The following SEMA3B variants were observed in gnomAD, a reference collection of about 807,000 sequenced individuals.
SEMA3B encodes the protein semaphorin 3B.
SEMA3B carries 71 observed loss-of-function variants against 77.8 expected under a neutral mutation model. The ratio of observed to expected loss-of-function variants is 0.91; its 90% CI spans 0.75 to 1.11. SEMA3B has a LOEUF of 1.11. Ranked by LOEUF, SEMA3B falls within the 50% of genes most tolerant of loss-of-function variation. The pLI is 0.00. For synonymous variants in SEMA3B, 470 were observed against 452.9 expected (o/e 1.04, Z -0.48); for missense variants, 968 against 1,056.8 (o/e 0.92, Z 1.17).
At position 50,272,879 on chromosome 3, in the gene SEMA3B, T is replaced by TAATAATAATAAA. The variant is rs797032591; in HGVS notation, c.665-417_665-416insTAATAATAAAAA. Among the ~76,000 whole-genome samples, 34 of 150,068 alleles carry TAATAATAATAAA rather than the reference T, an allele frequency of 2.3e-4. No individual in the cohort carries two copies. In the East Asian group the frequency reaches 2.6e-3, roughly 11 times the overall value. On this transcript the variant is annotated intron_variant, in intron 6 of 16. Transcript: ENST00000616701. ...CAAATAATAATAATAATAATAATAA[T>TAATAATAATAAA]AAAGAGCAATGGGACCCAGCAGAAG... is the stretch of plus-strand genomic sequence containing the variant.
intron 6 of SEMA3B, among the ~76,000 whole-genome samples, chr3:50,271,950 CCTGGA>C (rs2109240287): frequency 6.6e-6 from 1 of 152,248 alleles, no homozygotes; most frequent in Non-Finnish European, 1.5e-5. Context: ...GAAAAGGGGG[CCTGGA>C]CTGTCAGGGG....
intron 6 of SEMA3B, 23 bp downstream of exon 6, chr3:50,271,503 G>C: frequency 6.4e-7 from 1 of 1,553,698 alleles, no homozygotes. Context: ...TGGGGTTGGT[G>C]GGTAGAGGTC....
upstream of SEMA3B, among the ~76,000 whole-genome samples, chr3:50,268,001 G>C (rs1700944942): frequency 6.6e-6 from 1 of 152,182 alleles, no homozygotes; most frequent in Non-Finnish European, 1.5e-5. Context: ...CCCAGCTGAG[G>C]GCCAGGGGGA....
Position 50,277,313 on chromosome 3 carries a change from G to A in SEMA3B, c.*607G>A, listed in dbSNP as rs1701290740. ...CACGCCTGTAATCCCAACACTTTCGGAGGCCCAGGCGGACGGATCACGAGG... is the reference window on the plus strand; with the variant it reads ...CACGCCTGTAATCCCAACACTTTCGAAGGCCCAGGCGGACGGATCACGAGG... On this transcript the variant is annotated 3_prime_UTR_variant, in exon 17 of 17. Transcript: ENST00000616701. 1 of 152,210 alleles carries A rather than the reference G, an allele frequency of 6.6e-6. No homozygotes were observed. The highest frequency in any genetic ancestry group is 1.5e-5 in the Non-Finnish European group (1 of 68,046). The allele number at this position is 152,210 out of a possible 1,614,324, so 9.4% of individuals were successfully genotyped here.
At position 50,275,540 on chromosome 3, in the gene SEMA3B, A is replaced by T. The variant is rs1321929304; in HGVS notation, c.1650-20A>T. On this transcript the variant is annotated intron_variant, in intron 14 of 16. Coordinates refer to ENST00000616701, the MANE Select transcript of SEMA3B (RefSeq NM_001290060.2). The surrounding 1 kb of genome is among the most constrained non-coding windows in gnomAD (Gnocchi z 7.5). Reference sequence around the variant, plus strand: ...CGGGGCTGAAAGAAGGGCTCACAGAAGATCGGATGTTCCCCACAGGCGGTT... The same window carrying T: ...CGGGGCTGAAAGAAGGGCTCACAGATGATCGGATGTTCCCCACAGGCGGTT... 5 of 1,613,570 alleles carry T rather than the reference A, an allele frequency of 3.1e-6. No individual in the cohort carries two copies. Among genetic ancestry groups the T allele is most frequent in the Non-Finnish European group, 4.2e-6 (5 of 1,179,890 alleles).
In SEMA3B at chr3:50,275,640, C is replaced by G; in HGVS notation, c.1705+25C>G. 1.2e-6 allele frequency: 2 copies of G among 1,613,690 alleles called. No homozygotes were observed. The highest frequency in any genetic ancestry group is 1.7e-6 in the Non-Finnish European group (2 of 1,179,756). On this transcript the variant is annotated intron_variant, in intron 15 of 16. Transcript: ENST00000616701. The surrounding 1 kb of genome is among the most constrained non-coding windows in gnomAD (Gnocchi z 7.5). The stretch of plus-strand genomic sequence containing the variant: ...GGTGAGTGCCCCAGCTGCCCCTACC[C>G]TCAGCCCCAGAAGACGCCCCACCTG...
chr3:50,277,055 G>C lies in SEMA3B; in HGVS notation c.*349G>C. ...CTCCTTGGGTAGTGAGCAGTGAGCA[G>C]AAAGCTGTGAACAGGCTGGGCTGCT... On this transcript the variant is annotated 3_prime_UTR_variant, in exon 17 of 17. Transcript: ENST00000616701. 3.3e-6 allele frequency: 1 copy of C among 302,790 alleles called. No individual in the cohort carries two copies. The allele number at this position is 302,790 out of a possible 1,614,324, so 18.8% of individuals were successfully genotyped here.
At position 50,273,690 on chromosome 3, in the gene SEMA3B, C is replaced by G. The variant is rs781889646; in HGVS notation, c.922+44C>G. ...ATGGGGTTGGGGAGGGGGGCAGCGG[C>G]GCAGACTCCGGGAGCCCCCGCCGCA... is the stretch of plus-strand genomic sequence containing the variant. On this transcript the variant is annotated intron_variant, in intron 8 of 16. Transcript: ENST00000616701. The surrounding 1 kb of genome is among the most constrained non-coding windows in gnomAD (Gnocchi z 6.5). The G allele has an allele frequency of 3.7e-6, 6 of 1,600,808 alleles. No homozygotes were observed. The highest frequency in any genetic ancestry group is 5.1e-6 in the Non-Finnish European group (6 of 1,177,384).
At position 50,275,504 on chromosome 3, in the gene SEMA3B, C is replaced by G; in HGVS notation, c.1649+45C>G. On this transcript the variant is annotated intron_variant, in intron 14 of 16. Transcript: ENST00000616701. The surrounding 1 kb of genome is among the most constrained non-coding windows in gnomAD (Gnocchi z 7.5). ...GGCCGCCGGGAGGGAGGCGAAGGGT[C>G]TTTCACTGCCCGGGGCTGAAAGAAG... is the stretch of plus-strand genomic sequence containing the variant. 6 of 1,612,496 alleles carry G rather than the reference C, an allele frequency of 3.7e-6. No individual in the cohort carries two copies. The highest frequency in any genetic ancestry group is 5.1e-6 in the Non-Finnish European group (6 of 1,179,186).
chr3:50,276,657 C>T lies in SEMA3B; in HGVS notation c.2201C>T (p.Ala734Val). 2 of 1,586,616 alleles carry T rather than the reference C, an allele frequency of 1.3e-6. No homozygotes were observed. Among genetic ancestry groups the T allele is most frequent in the Non-Finnish European group, 8.5e-7 (1 of 1,172,308 alleles). Residue 734 changes from alanine to valine, a missense_variant, in exon 17 of 17, where the codon GCC (alanine) becomes GTC (valine). Coordinates refer to ENST00000616701, the MANE Select transcript of SEMA3B (RefSeq NM_001290060.2). The surrounding 1 kb of genome is among the most constrained non-coding windows in gnomAD (Gnocchi z 5.8). ...RRKGRNRRTH[A>V]PEPRAERGPR... is the part of the protein sequence containing the mutation. ...AAGGGCCGTAACCGGAGGACCCACG[C>T]CCCTGAGCCTCGCGCTGAGCGGGGG...
chr3:50,267,453 G>A (rs903631179), upstream of SEMA3B: 1 of 152,240 alleles, frequency 6.6e-6, no homozygotes, highest in Non-Finnish European at 1.5e-5. This position sits in a 1 kb window ranked among gnomAD's most constrained non-coding sequence, Gnocchi z 5.7. Flanking sequence ...CCCAATATGG[G>A]AGGGGTCGTC....
rs1701178093 is a variant in SEMA3B at position 50,274,853 on chromosome 3, G to C, written c.1368G>C (p.Thr456=). 2 of 1,610,870 alleles carry C rather than the reference G, an allele frequency of 1.2e-6. No homozygotes were observed. The highest frequency in any genetic ancestry group is 8.5e-7 in the Non-Finnish European group (1 of 1,179,738). ...DVLFIGTDVG[T]VLKVISVPKG... ...TTCTCATCCCTGCAGACGTTGGCAC[G>C]GTGCTGAAGGTGATCTCGGTCCCCA... Residue 456 remains threonine, a synonymous_variant, in exon 12 of 17, where the codon ACG becomes ACC. Transcript: ENST00000616701. This position sits in a 1 kb window ranked among gnomAD's most constrained non-coding sequence, Gnocchi z 4.7.
In SEMA3B at chr3:50,271,161, G is replaced by C; in HGVS notation, c.524G>C (p.Arg175Pro). The change falls in exon 5 of 17, where the codon CGG becomes CCG. Residue 175 changes from arginine (R) to proline (P), a missense_variant. By Grantham distance (103) the Arg-to-Pro change is moderately radical (BLOSUM62 -2). Transcript: ENST00000616701. ...KGKSPYDPRH[R>P]AASVLVGEEL... ...AAGAGTCCTTATGACCCCAGGCATC[G>C]GGCTGCCTCCGTGCTGGTGGGTGAG... The C allele has an allele frequency of 1.3e-6, 2 of 1,579,078 alleles. No individual in the cohort carries two copies. The highest frequency in any genetic ancestry group is 1.2e-5 in the South Asian group (1 of 86,144).
rs1553705892 is a variant in SEMA3B, at chr3:50,273,782, C to A, written c.946C>A (p.Arg316=). ...QLQDVFLLSS[R]DHRTPLLYAV... The stretch of plus-strand genomic sequence containing the variant: ...AGAGGATGTGTTTCTGTTGTCCTCG[C>A]GGGACCACCGGACCCCGCTGCTCTA... Residue 316 remains arginine (R), a synonymous_variant, in exon 9 of 17, where the codon CGG becomes AGG. Coordinates refer to ENST00000616701, the MANE Select transcript of SEMA3B (RefSeq NM_001290060.2). The surrounding 1 kb of genome is among the most constrained non-coding windows in gnomAD (Gnocchi z 6.5). 6.3e-7 allele frequency: 1 copy of A among 1,593,898 alleles called. No homozygotes were observed. Among genetic ancestry groups the A allele is most frequent in the Non-Finnish European group, 8.5e-7 (1 of 1,172,326 alleles).
At chr3:50,261,682 A>T in the SEMA3B span, 4 of 152,318 alleles carry the variant, frequency 2.6e-5, no homozygotes, top group Non-Finnish European at 4.4e-5. Context: ...CCGAGGCTGC[A>T]GGGGCTGCCA....
chr3:50,274,135 G>A lies in SEMA3B; in HGVS notation c.1137+78G>A. On this transcript the variant is annotated intron_variant, in intron 10 of 16. Transcript: ENST00000616701. This position sits in a 1 kb window ranked among gnomAD's most constrained non-coding sequence, Gnocchi z 4.7. ...GAGAACTTGGCCTGGGGTCTTCTTG[G>A]TGAATGTGGTTTCTTCCTTTAGTTA... The A allele has an allele frequency of 1.3e-6, 2 of 1,562,878 alleles. No individual in the cohort carries two copies. The highest frequency in any genetic ancestry group is 1.2e-5 in the South Asian group (1 of 85,050).
upstream of SEMA3B, chr3:50,266,534 C>G (rs2109230900): frequency 6.6e-6 from 1 of 152,376 alleles, no homozygotes; most frequent in South Asian, 2.1e-4. Context: ...TGGAGGCATC[C>G]AGGGCTGGGC....
At position 50,276,704 on chromosome 3, in the gene SEMA3B, TG is replaced by T. The variant is rs1190690516; in HGVS notation, c.2249del (p.Ter750TyrfsTer136). 2 of 1,511,022 alleles carry T rather than the reference TG, an allele frequency of 1.3e-6. No individual in the cohort carries two copies. The highest frequency in any genetic ancestry group is 2.9e-5 in the African/African-American group (2 of 69,960). The allele number at this position is 1,511,022 out of a possible 1,614,324, so 93.6% of individuals were successfully genotyped here. A position where few individuals can be genotyped will look rare whatever the true frequency, so the allele number is the denominator to read the frequency against. The part of the protein sequence containing the change: ...ERGPRSATHW[*>X] ...GGGGCCGCGCAGCGCAACGCACTGG[TG>T]ACCAGACTGTCCCCACGCCGGGAAC... is the stretch of plus-strand genomic sequence containing the variant. On this transcript the variant is annotated frameshift_variant and stop_lost, in exon 17 of 17. Coordinates refer to ENST00000616701, the MANE Select transcript of SEMA3B (RefSeq NM_001290060.2). LOFTEE classifies it high-confidence loss of function. This position sits in a 1 kb window ranked among gnomAD's most constrained non-coding sequence, Gnocchi z 5.8.
Position 50,276,002 on chromosome 3 carries a change from T to C in SEMA3B, c.1845+158T>C, listed in dbSNP as rs782425440. On this transcript the variant is annotated intron_variant, in intron 16 of 16. Coordinates refer to ENST00000616701, the MANE Select transcript of SEMA3B (RefSeq NM_001290060.2). The surrounding 1 kb of genome is among the most constrained non-coding windows in gnomAD (Gnocchi z 5.8). ...CACTCCACAAGCTGCTGAGGCCCCA[T>C]TGCGTCCAACGGGGCTCCCGACCCG... 2.6e-5 allele frequency: 28 copies of C among 1,072,516 alleles called. No individual in the cohort carries two copies. The highest frequency in any genetic ancestry group is 2.6e-4 in the African/African-American group (16 of 62,294). The allele number at this position is 1,072,516 out of a possible 1,614,324, so 66.4% of individuals were successfully genotyped here.
Sources: allele counts gnomAD v4.1 joint callset (sites outside exome capture counted in the v4.1 genomes callset), GRCh38; gene constraint gnomAD v4.1.1; non-coding constraint Gnocchi (gnomAD v3.1); transcripts MANE v1.5; gene names NCBI Gene and HGNC (gene_info 2026-07-23, HGNC 2026-07-21).